The following ZBTB38 variants were observed in gnomAD, a reference collection of about 807,000 sequenced individuals.
The protein encoded by ZBTB38 is zinc finger and BTB domain-containing protein 38.
ZBTB38 carries 20 observed loss-of-function variants against 76.8 expected under a neutral mutation model. The ratio of observed to expected loss-of-function variants is 0.26; its 90% CI spans 0.18 to 0.38. The LOEUF (loss-of-function observed/expected upper bound fraction) is 0.38, where lower values mean the gene tolerates loss of function less well. ZBTB38 is among the 10% of genes least tolerant of loss of function. ZBTB38 has a pLI of 1.00. For synonymous variants in ZBTB38, 504 were observed against 544.2 expected (o/e 0.93, Z 1.03); for missense variants, 1,082 against 1,482.3 (o/e 0.73, Z 4.43).
chr3:141,345,651 G>T (rs1354202084), intron 1 of ZBTB38, among the ~76,000 whole-genome samples: 1 of 152,068 alleles, frequency 6.6e-6, no homozygotes, highest in Non-Finnish European at 1.5e-5. Flanking sequence ...TAGCTTCCCT[G>T]TGTTGGCATA....
intron 2 of ZBTB38, among the ~76,000 whole-genome samples, chr3:141,375,878 T>A (rs1314217628): frequency 2.0e-5 from 3 of 152,180 alleles, no homozygotes; most frequent in African/African-American, 4.8e-5. Context: ...AGGTGCTGTG[T>A]GCTGGGCTGC....
At chr3:141,400,790 T>C (rs1171569561) in intron 4 of ZBTB38, among the ~76,000 whole-genome samples, 1 of 152,254 alleles carries the variant, frequency 6.6e-6, no homozygotes, top group African/African-American at 2.4e-5. Context: ...GGCACTAATA[T>C]TAAAATTAGT....
At chr3:141,388,274 A>G (rs1947738029) in intron 4 of ZBTB38, 1 of 152,182 alleles carries the variant, frequency 6.6e-6, no homozygotes, top group Non-Finnish European at 1.5e-5. Context: ...AACATTAAAA[A>G]TATTTAAATT....
intron 4 of ZBTB38, among the ~76,000 whole-genome samples, chr3:141,403,578 C>T (rs1252978481): frequency 3.3e-5 from 5 of 152,238 alleles, no homozygotes; most frequent in South Asian, 4.1e-4. Flanking sequence ...TTTTTAAAAC[C>T]GTGGGTCACT....
chr3:141,376,032 A>G (rs1945314925), intron 2 of ZBTB38, among the ~76,000 whole-genome samples: 1 of 152,192 alleles, frequency 6.6e-6, no homozygotes, highest in Non-Finnish European at 1.5e-5. Context: ...ACCATCCTCT[A>G]AGAGGAAGTC....
At chr3:141,424,027 A>G (rs1301368671) in intron 5 of ZBTB38, among the ~76,000 whole-genome samples, 3 of 152,222 alleles carry the variant, frequency 2.0e-5, no homozygotes. Flanking sequence ...AAAACAGACA[A>G]TACACAGATA....
At chr3:141,350,086 T>C (rs1401820416) in intron 1 of ZBTB38, among the ~76,000 whole-genome samples, 1 of 152,166 alleles carries the variant, frequency 6.6e-6, no homozygotes, top group Non-Finnish European at 1.5e-5. Flanking sequence ...AGCTGACTAA[T>C]AGTAGTGACA....
rs117567438 is a variant in ZBTB38, at chr3:141,409,843, C to A, written c.-1+5812C>A. Among the ~76,000 whole-genome samples, 69 of 152,286 alleles carry A rather than the reference C, an allele frequency of 4.5e-4. No homozygotes were observed. In the East Asian group the frequency reaches 0.013, roughly 29 times the overall value. On this transcript the variant is annotated intron_variant, in intron 5 of 5. Transcript: ENST00000321464. Reference sequence around the variant, plus strand: ...TAAAACTGCTCCTTGGGGGATTGCCCAGAGGGCTAAGTAAATGTTTGTTGA... The same window carrying A: ...TAAAACTGCTCCTTGGGGGATTGCCAAGAGGGCTAAGTAAATGTTTGTTGA...
intron 5 of ZBTB38, among the ~76,000 whole-genome samples, chr3:141,438,712 A>G (rs1274329173): frequency 2.0e-5 from 3 of 152,156 alleles, no homozygotes; most frequent in Non-Finnish European, 4.4e-5. Flanking sequence ...AAAAAAGCTC[A>G]AATTTCATTA....
At chr3:141,391,987 C>A (rs1243990082) in intron 4 of ZBTB38, among the ~76,000 whole-genome samples, 1 of 152,212 alleles carries the variant, frequency 6.6e-6, no homozygotes, top group Non-Finnish European at 1.5e-5. Context: ...AGAACTCTTT[C>A]ATGCTTTTCA....
At chr3:141,354,832 GGTGATGGGCACTGGGAGA>G (rs1943616039) in intron 1 of ZBTB38, among the ~76,000 whole-genome samples, 1 of 151,994 alleles carries the variant, frequency 6.6e-6, no homozygotes. Flanking sequence ...TTGTTCCTCA[GGTGATGGGCACTGGGAGA>G]ATGATGGGCA....
chr3:141,351,721 TA>T (rs11367112), intron 1 of ZBTB38, among the ~76,000 whole-genome samples: 38,911 of 123,104 alleles, frequency 0.32, 6,342 homozygotes, highest in African/African-American at 0.39. Context: ...CTCTGTCTCT[TA>T]AAAAAAAAAA....
chr3:141,374,574 C>CA (rs964484052), intron 2 of ZBTB38, among the ~76,000 whole-genome samples: 4 of 152,088 alleles, frequency 2.6e-5, no homozygotes, highest in African/African-American at 9.7e-5. Context: ...AACCCCACCC[C>CA]ATTCTCTCCT....
chr3:141,325,162 T>C (rs1352817456), intron 1 of ZBTB38, among the ~76,000 whole-genome samples: 1 of 152,156 alleles, frequency 6.6e-6, no homozygotes, highest in Non-Finnish European at 1.5e-5. Context: ...TTAGAAAAGG[T>C]CAACTAATCA....
In ZBTB38 at chr3:141,443,116, G is replaced by A. The variant is rs753831557; in HGVS notation, c.728G>A (p.Ser243Asn). The change falls in exon 6 of 6, where the codon AGT becomes AAT. Residue 243 changes from serine to asparagine, a missense_variant. Transcript: ENST00000321464. This position sits in a 1 kb window ranked among gnomAD's most constrained non-coding sequence, Gnocchi z 5.6. ...CAGCCTGTACGTGAACATGATGGCA[G>A]TTCACCTGGTAACACAGGGAAAGAA... is the stretch of plus-strand genomic sequence containing the variant. ...RSQPVREHDG[S>N]SPGNTGKENC... 6.2e-7 allele frequency: 1 copy of A among 1,614,222 alleles called. No individual in the cohort carries two copies. Among genetic ancestry groups the A allele is most frequent in the South Asian group, 1.1e-5 (1 of 91,086 alleles).
At chr3:141,422,058 AG>A (rs1206947774) in intron 5 of ZBTB38, among the ~76,000 whole-genome samples, 1 of 152,238 alleles carries the variant, frequency 6.6e-6, no homozygotes, top group Non-Finnish European at 1.5e-5. Context: ...TGTTTTTAAG[AG>A]GGACTGCCTG....
chr3:141,412,463 C>G (rs890191747), intron 5 of ZBTB38, among the ~76,000 whole-genome samples: 3 of 151,754 alleles, frequency 2.0e-5, no homozygotes, highest in Non-Finnish European at 4.4e-5. Flanking sequence ...TTCTACAGAA[C>G]AGTCTGTTCT....
intron 4 of ZBTB38, among the ~76,000 whole-genome samples, chr3:141,391,160 TA>T (rs1023639721): frequency 7.3e-5 from 11 of 151,198 alleles, no homozygotes; most frequent in Non-Finnish European, 7.4e-5. Flanking sequence ...ACTCTTTCTC[TA>T]AAAAAAAATT....
At chr3:141,376,758 C>T (rs536059337) in intron 2 of ZBTB38, among the ~76,000 whole-genome samples, 1 of 152,322 alleles carries the variant, frequency 6.6e-6, no homozygotes, top group Admixed American at 6.5e-5. Context: ...GACAGCAGTG[C>T]TTCCAAATCT....
Sources: allele counts gnomAD v4.1 joint callset (sites outside exome capture counted in the v4.1 genomes callset), GRCh38; gene constraint gnomAD v4.1.1; non-coding constraint Gnocchi (gnomAD v3.1); transcripts MANE v1.5; gene names NCBI Gene and HGNC (gene_info 2026-07-23, HGNC 2026-07-21).